The following KCNMA1 variants were observed in gnomAD, a reference collection of about 807,000 sequenced individuals.
KCNMA1 encodes potassium calcium-activated channel subfamily M alpha 1, also known as Calcium-activated potassium channel subunit alpha-1.
A neutral mutation model predicts 140.0 loss-of-function variants in KCNMA1; 29 were observed. The ratio of observed to expected loss-of-function variants is 0.21; its 90% CI spans 0.15 to 0.28. The LOEUF (loss-of-function observed/expected upper bound fraction) is 0.28, where lower values mean the gene tolerates loss of function less well. Among genes scored for constraint, KCNMA1 ranks in the 10% least tolerant of loss-of-function variants. The pLI, the probability that KCNMA1 is intolerant of heterozygous loss-of-function variation, is 1.00. For synonymous variants in KCNMA1, 612 were observed against 611.9 expected, an observed-to-expected ratio of 1.00 and a Z score of 0.00; for missense variants, 880 against 1,602.2, an observed-to-expected ratio of 0.55 and a Z score of 7.70.
chr10:77,456,525 A>G (rs761942452), intron 1 of KCNMA1, among the ~76,000 whole-genome samples: 3 of 152,170 alleles, frequency 2.0e-5, no homozygotes, highest in Non-Finnish European at 4.4e-5. Context: ...GACATCATCT[A>G]TCTTGATCAG....
chr10:77,446,150 C>T (rs879546712), intron 1 of KCNMA1, among the ~76,000 whole-genome samples: 5 of 152,194 alleles, frequency 3.3e-5, no homozygotes, highest in African/African-American at 4.8e-5. Flanking sequence ...TGAGATGAAA[C>T]TTCTGTTCGG....
chr10:77,356,775 C>T lies in KCNMA1; in HGVS notation c.540+47087G>A, dbSNP rs140210563. On this transcript the variant is annotated intron_variant, in intron 2 of 27. Coordinates refer to ENST00000286628, the MANE Select transcript of KCNMA1 (RefSeq NM_001161352.2). Reference sequence around the variant, plus strand: ...TCTCAATCCCTCTGTTTTAAGAATGCGCCCACCTCCACCTTCCATCTCCAG... The same window carrying T: ...TCTCAATCCCTCTGTTTTAAGAATGTGCCCACCTCCACCTTCCATCTCCAG... Among the ~76,000 whole-genome samples, 1,215 of 152,242 alleles carry T rather than the reference C, an allele frequency of 8.0e-3. 16 individuals are homozygous for T. The highest frequency in any genetic ancestry group is 0.027 in the African/African-American group (1,140 of 41,518).
intron 2 of KCNMA1, among the ~76,000 whole-genome samples, chr10:77,297,850 C>G (rs747267121): frequency 6.6e-6 from 1 of 152,210 alleles, no homozygotes; most frequent in Non-Finnish European, 1.5e-5. Flanking sequence ...GTTAATTTCT[C>G]CTGCCTGGAT....
intron 1 of KCNMA1, among the ~76,000 whole-genome samples, chr10:77,465,080 G>A (rs982611312): frequency 4.6e-5 from 7 of 152,136 alleles, no homozygotes; most frequent in Non-Finnish European, 8.8e-5. Context: ...ACACACACTC[G>A]GTAACTCAAG....
chr10:77,577,649 A>G (rs1345344582), intron 1 of KCNMA1, among the ~76,000 whole-genome samples: 1 of 152,224 alleles, frequency 6.6e-6, no homozygotes, highest in East Asian at 1.9e-4. Context: ...TCCTCACAAC[A>G]GCCTTCTTTG....
chr10:77,596,752 G>C (rs1456119759), intron 1 of KCNMA1, among the ~76,000 whole-genome samples: 1 of 152,198 alleles, frequency 6.6e-6, no homozygotes, highest in African/African-American at 2.4e-5. Flanking sequence ...AGCAACAGCT[G>C]TGTTTTCATC....
chr10:77,322,415 A>G (rs1268399197), intron 2 of KCNMA1, among the ~76,000 whole-genome samples: 2 of 152,272 alleles, frequency 1.3e-5, no homozygotes, highest in Non-Finnish European at 2.9e-5. Flanking sequence ...AATCCTCACC[A>G]GAAAAGACAA....
intron 5 of KCNMA1, among the ~76,000 whole-genome samples, chr10:77,131,603 T>A (rs967538107): frequency 3.3e-5 from 5 of 151,776 alleles, no homozygotes; most frequent in Admixed American, 1.3e-4. Flanking sequence ...GACTAGGGGG[T>A]GACAGGCAAT....
At chr10:77,068,698 T>TTGTG (rs199660003) in intron 14 of KCNMA1, among the ~76,000 whole-genome samples, 31,431 of 132,344 alleles carry the variant, frequency 0.24, 4,110 homozygotes, top group Non-Finnish European at 0.29. Flanking sequence ...GTTCCAGGTT[T>TTGTG]TGTGTGTGTG....
intron 2 of KCNMA1, among the ~76,000 whole-genome samples, chr10:77,401,523 G>T (rs2096265983): frequency 6.6e-6 from 1 of 152,032 alleles, no homozygotes; most frequent in Non-Finnish European, 1.5e-5. Flanking sequence ...CAGACTTTGG[G>T]GTCTGCACCC....
chr10:77,495,691 C>A (rs1020522081), intron 1 of KCNMA1, among the ~76,000 whole-genome samples: 1 of 152,096 alleles, frequency 6.6e-6, no homozygotes, highest in African/African-American at 2.4e-5. Flanking sequence ...CTGGCGTGTA[C>A]ACAGACAGGC....
intron 5 of KCNMA1, among the ~76,000 whole-genome samples, chr10:77,179,547 T>C (rs1393923268): frequency 6.6e-6 from 1 of 152,148 alleles, no homozygotes. Flanking sequence ...AAGCCCTTTA[T>C]GAGTAAGCAC....
At chr10:77,167,800 C>T (rs1302967847) in intron 5 of KCNMA1, among the ~76,000 whole-genome samples, 2 of 151,908 alleles carry the variant, frequency 1.3e-5, no homozygotes, top group Admixed American at 1.3e-4. Context: ...CCTTCCACCT[C>T]AGCCCCCAAA....
intron 2 of KCNMA1, among the ~76,000 whole-genome samples, chr10:77,260,638 G>A (rs1263324859): frequency 5.3e-5 from 8 of 152,212 alleles, no homozygotes; most frequent in Admixed American, 5.2e-4. Context: ...GAACCCCAGT[G>A]GTGGAGGTTG....
intron 16 of KCNMA1, chr10:77,023,069 AG>A: frequency 2.7e-6 from 1 of 371,334 alleles, no homozygotes; most frequent in East Asian, 8.5e-5. Context: ...TGCCTCTATC[AG>A]GTCCCTCCAT....
chr10:77,089,155 C>T (rs1329441130), intron 10 of KCNMA1, among the ~76,000 whole-genome samples: 3 of 152,160 alleles, frequency 2.0e-5, no homozygotes, highest in Non-Finnish European at 4.4e-5. Context: ...TTGGAGAAAT[C>T]AGTGCAGAAA....
intron 2 of KCNMA1, among the ~76,000 whole-genome samples, chr10:77,345,921 G>A (rs2092032855): frequency 6.6e-6 from 1 of 152,098 alleles, no homozygotes; most frequent in African/African-American, 2.4e-5. Context: ...TCTCACTTTT[G>A]CGACTGCCAG....
intron 15 of KCNMA1, among the ~76,000 whole-genome samples, chr10:77,032,734 C>CTT (rs769623391): frequency 3.3e-5 from 5 of 149,866 alleles, no homozygotes; most frequent in Admixed American, 6.7e-5. Context: ...CCCAACCCCC[C>CTT]TTTTTTTTTT....
At chr10:77,508,299 T>G (rs2046868907) in intron 1 of KCNMA1, among the ~76,000 whole-genome samples, 1 of 151,134 alleles carries the variant, frequency 6.6e-6, no homozygotes, top group Admixed American at 6.6e-5. Context: ...CTCAACCTCC[T>G]AAGTAGCTGG....
Sources: gnomAD v4.1 joint callset for allele counts (sites outside exome capture counted in the v4.1 genomes callset) on GRCh38, gnomAD v4.1.1 for gene constraint, MANE v1.5 for transcripts, NCBI Gene and HGNC (gene_info 2026-07-23, HGNC 2026-07-21) for gene names.